The following MFHAS1 variants were observed in gnomAD, a reference collection of about 807,000 sequenced individuals.
MFHAS1 encodes the protein malignant fibrous histiocytoma-amplified sequence 1.
Under a neutral mutation model 70.4 loss-of-function variants are expected in MFHAS1, and 50 were observed. The observed-to-expected ratio is 0.71, with a 90% confidence interval of 0.57 to 0.90. MFHAS1 has a LOEUF of 0.90. Ranked by LOEUF, MFHAS1 falls within the 40% of genes least tolerant of loss-of-function variation. The probability of loss-of-function intolerance (pLI) is 0.00; values close to 1 mark genes in which losing one functional copy is unlikely to be tolerated. For missense variants in MFHAS1, 1,795 were observed against 1,347.6 expected (o/e 1.33, Z -5.20); for synonymous variants, 952 against 620.0 (o/e 1.54, Z -7.96).
intron 1 of MFHAS1, among the ~76,000 whole-genome samples, chr8:8,824,529 A>T (rs879783758): frequency 0.26 from 13,386 of 51,942 alleles, 801 homozygotes; most frequent in South Asian, 0.36. Context: ...TTTCACACAC[A>T]CACACACACA....
chr8:8,845,559 G>C (rs991569219), intron 1 of MFHAS1, among the ~76,000 whole-genome samples: 1 of 152,090 alleles, frequency 6.6e-6, no homozygotes, highest in Non-Finnish European at 1.5e-5. Context: ...TCCTGCTGGG[G>C]GGCCCATGGC....
chr8:8,795,846 T>A (rs1563177462), intron 2 of MFHAS1, among the ~76,000 whole-genome samples: 1 of 152,122 alleles, frequency 6.6e-6, no homozygotes, highest in Non-Finnish European at 1.5e-5. Flanking sequence ...CTTTCCAAGC[T>A]CCCTAAAAAC....
intron 1 of MFHAS1, among the ~76,000 whole-genome samples, chr8:8,845,629 T>C (rs1439768824): frequency 6.6e-6 from 1 of 152,124 alleles, no homozygotes; most frequent in Non-Finnish European, 1.5e-5. Context: ...TGAATTTTCC[T>C]TTTTTTGACT....
In MFHAS1 at chr8:8,893,421, C is replaced by T. The variant is rs552623930; in HGVS notation, c.-363G>A. On this transcript the variant is annotated 5_prime_UTR_variant, in exon 1 of 3. Transcript: ENST00000276282. ...GGCTCCGGCCCCGCTACCCTCGCAG[C>T]CGCGGTCCCGCGGCCGGCAGCGGCG... The T allele has an allele frequency of 3.2e-3, 460 of 146,008 alleles. 5 individuals carry two copies. In the Middle Eastern group the frequency reaches 0.035, roughly 11 times the overall value. 9.0% of individuals were successfully genotyped at this position (146,008 alleles called of 1,614,324 possible). A position where few individuals can be genotyped will look rare whatever the true frequency, so the allele number is the denominator to read the frequency against.
chr8:8,826,514 C>T (rs1807169015), intron 1 of MFHAS1, among the ~76,000 whole-genome samples: 1 of 152,164 alleles, frequency 6.6e-6, no homozygotes, highest in African/African-American at 2.4e-5. Flanking sequence ...GGGTAGATCA[C>T]TTAAGGTCAC....
intron 1 of MFHAS1, among the ~76,000 whole-genome samples, chr8:8,850,615 G>A (rs73525736): frequency 0.035 from 5,394 of 152,122 alleles, 275 homozygotes; most frequent in African/African-American, 0.12. Context: ...GCCAAGCCAG[G>A]TGGATCACTA....
At chr8:8,843,131 C>T (rs572579198) in intron 1 of MFHAS1, among the ~76,000 whole-genome samples, 1 of 151,768 alleles carries the variant, frequency 6.6e-6, no homozygotes, top group African/African-American at 2.4e-5. Flanking sequence ...TAGCCGGGCG[C>T]GGTGGCGGGC....
intron 1 of MFHAS1, among the ~76,000 whole-genome samples, chr8:8,867,700 G>A (rs1055438079): frequency 2.0e-5 from 3 of 151,882 alleles, no homozygotes; most frequent in East Asian, 1.9e-4. Context: ...TGGGACTACA[G>A]GCACCCGCCA....
intron 1 of MFHAS1, among the ~76,000 whole-genome samples, chr8:8,810,787 T>C (rs1806516665): frequency 6.6e-6 from 1 of 152,176 alleles, no homozygotes; most frequent in African/African-American, 2.4e-5. Flanking sequence ...GGCTGGTCAG[T>C]GCCCCTAAAC....
At chr8:8,786,088 T>C in intron 2 of MFHAS1, 33 bp from the exon 3 acceptor site, 6 of 1,601,748 alleles carry the variant, frequency 3.7e-6, no homozygotes, top group East Asian at 2.2e-5. Context: ...AGCACAGAGA[T>C]GACAAAAACG....
intron 1 of MFHAS1, among the ~76,000 whole-genome samples, chr8:8,876,297 T>C (rs1178982837): frequency 6.6e-6 from 1 of 152,146 alleles, no homozygotes; most frequent in Non-Finnish European, 1.5e-5. Flanking sequence ...TTCAAGTCAA[T>C]CTATAAAGCA....
At chr8:8,827,204 T>G (rs1052392609) in intron 1 of MFHAS1, among the ~76,000 whole-genome samples, 6 of 152,348 alleles carry the variant, frequency 3.9e-5, no homozygotes, top group African/African-American at 1.2e-4. Flanking sequence ...GATGGTCATA[T>G]AAGCTACCTC....
At chr8:8,885,703 G>T (rs1809726161) in intron 1 of MFHAS1, among the ~76,000 whole-genome samples, 1 of 152,214 alleles carries the variant, frequency 6.6e-6, no homozygotes, top group African/African-American at 2.4e-5. Flanking sequence ...GTACCTGCAG[G>T]AAGCAGGTAA....
chr8:8,789,738 C>T (rs1205846299), intron 2 of MFHAS1, among the ~76,000 whole-genome samples: 1 of 152,152 alleles, frequency 6.6e-6, no homozygotes, highest in Non-Finnish European at 1.5e-5. Flanking sequence ...GTATACTCTT[C>T]CAATACAAAC....
intron 1 of MFHAS1, among the ~76,000 whole-genome samples, chr8:8,880,985 A>G (rs992262847): frequency 1.2e-4 from 19 of 152,146 alleles, no homozygotes; most frequent in African/African-American, 4.3e-4. Context: ...CGCCTGACCC[A>G]TACCTTCCTA....
At chr8:8,826,260 G>GTC (rs1807158381) in intron 1 of MFHAS1, among the ~76,000 whole-genome samples, 2 of 151,942 alleles carry the variant, frequency 1.3e-5, no homozygotes, top group Admixed American at 1.3e-4. Flanking sequence ...GTGTGTGTGT[G>GTC]TGTGTGTGTG....
intron 1 of MFHAS1, among the ~76,000 whole-genome samples, chr8:8,810,112 A>G (rs1460069215): frequency 6.6e-6 from 1 of 152,212 alleles, no homozygotes; most frequent in African/African-American, 2.4e-5. Flanking sequence ...CGCGCCTGTA[A>G]TCCCATCACT....
chr8:8,824,407 A>G (rs952546191), intron 1 of MFHAS1, among the ~76,000 whole-genome samples: 1 of 152,028 alleles, frequency 6.6e-6, no homozygotes, highest in African/African-American at 2.4e-5. Flanking sequence ...GAAAAGATCC[A>G]GTCTCCCTTA....
intron 1 of MFHAS1, among the ~76,000 whole-genome samples, chr8:8,883,968 G>T (rs554379381): frequency 0.025 from 3,718 of 151,564 alleles, 150 homozygotes; most frequent in African/African-American, 0.086. Flanking sequence ...GAGGCTGAGT[G>T]GGGAGGACCA....
Sources: allele counts gnomAD v4.1 joint callset (sites outside exome capture counted in the v4.1 genomes callset), GRCh38; gene constraint gnomAD v4.1.1; transcripts MANE v1.5; gene names NCBI Gene and HGNC (gene_info 2026-07-23, HGNC 2026-07-21).